PXDNL: variants seen among roughly 807,000 people sequenced by gnomAD.
PXDNL encodes probable oxidoreductase PXDNL.
Under a neutral mutation model 150.8 loss-of-function variants are expected in PXDNL, and 145 were observed. The ratio of observed to expected loss-of-function variants is 0.96; its 90% CI spans 0.84 to 1.10. The LOEUF is 1.10. Among genes scored for constraint, PXDNL ranks in the 50% least tolerant of loss-of-function variants. The probability of loss-of-function intolerance (pLI) is 0.00; values close to 1 mark genes in which losing one functional copy is unlikely to be tolerated. For synonymous variants in PXDNL, 757 were observed against 725.7 expected (o/e 1.04, Z -0.69); for missense variants, 2,087 against 1,873.9 (o/e 1.11, Z -2.10).
At chr8:51,631,116 T>A (rs1335079545) in intron 2 of PXDNL, among the ~76,000 whole-genome samples, 2 of 152,082 alleles carry the variant, frequency 1.3e-5, no homozygotes, top group Non-Finnish European at 2.9e-5. Flanking sequence ...AAGAATGAGA[T>A]CATGTTCTTT....
chr8:51,410,211 C>T (rs1192309935), intron 16 of PXDNL, among the ~76,000 whole-genome samples: 1 of 152,166 alleles, frequency 6.6e-6, no homozygotes, highest in Non-Finnish European at 1.5e-5. Context: ...CCCTGGCAAA[C>T]GGGCAAAATA....
intron 1 of PXDNL, among the ~76,000 whole-genome samples, chr8:51,674,518 A>C (rs528887273): frequency 6.6e-6 from 1 of 152,344 alleles, no homozygotes; most frequent in East Asian, 1.9e-4. Context: ...ACTTAACATA[A>C]GTGACTATGA....
chr8:51,457,796 G>T, intron 8 of PXDNL, 129 bp from the exon 9 acceptor site: 1 of 592,342 alleles, frequency 1.7e-6, no homozygotes, highest in Admixed American at 3.4e-5. Context: ...TATTTTATCT[G>T]AATAATTTTA....
intron 2 of PXDNL, among the ~76,000 whole-genome samples, chr8:51,624,252 C>A (rs528024903): frequency 6.6e-6 from 1 of 152,112 alleles, no homozygotes; most frequent in Non-Finnish European, 1.5e-5. Flanking sequence ...GACCACAGAC[C>A]GGTGGTATTT....
intron 2 of PXDNL, among the ~76,000 whole-genome samples, chr8:51,652,526 C>G (rs1446274799): frequency 1.3e-5 from 2 of 152,016 alleles, no homozygotes; most frequent in Non-Finnish European, 2.9e-5. Context: ...GATCTACCAT[C>G]TGTATTCCAG....
chr8:51,727,402 G>A (rs946030649), intron 1 of PXDNL, among the ~76,000 whole-genome samples: 50 of 152,292 alleles, frequency 3.3e-4, no homozygotes, highest in Admixed American at 1.6e-3. Flanking sequence ...TAACAAAAAC[G>A]AATGAAGTTA....
At chr8:51,530,304 C>A (rs1811870247) in intron 4 of PXDNL, among the ~76,000 whole-genome samples, 1 of 152,086 alleles carries the variant, frequency 6.6e-6, no homozygotes, top group Non-Finnish European at 1.5e-5. Context: ...CTCCTTTTTG[C>A]TCACCTTATA....
At chr8:51,520,948 G>T (rs928939765) in intron 4 of PXDNL, among the ~76,000 whole-genome samples, 2 of 152,200 alleles carry the variant, frequency 1.3e-5, no homozygotes, top group Admixed American at 1.3e-4. Context: ...TAGGCCAGGT[G>T]CCCTGGCTCA....
Position 51,779,722 on chromosome 8 carries a change from C to A in PXDNL, c.164+29459G>T, listed in dbSNP as rs1365003114. On this transcript the variant is annotated intron_variant, in intron 1 of 22. Transcript: ENST00000356297. ...CATGTTCTTGGTAACCAGAAGGCTG[C>A]CACATAATAGTTGGCTGTCTTCATC... Among the ~76,000 whole-genome samples the A allele has an allele frequency of 1.1e-4, 17 of 152,190 alleles. 1 individual carries two copies. Among genetic ancestry groups the A allele is most frequent in the Admixed American group, 1.1e-3 (17 of 15,282 alleles).
At chr8:51,720,941 A>G (rs1407152151) in intron 1 of PXDNL, among the ~76,000 whole-genome samples, 2 of 152,238 alleles carry the variant, frequency 1.3e-5, no homozygotes, top group Admixed American at 6.5e-5. Context: ...GATCGCATGC[A>G]AAGAAAATCT....
intron 3 of PXDNL, among the ~76,000 whole-genome samples, chr8:51,567,307 C>CTG (rs768356388): frequency 2.2e-3 from 330 of 151,868 alleles, no homozygotes; most frequent in Non-Finnish European, 3.7e-3. Context: ...AGTGATGGTG[C>CTG]TGTTCAGTTC....
At chr8:51,640,222 C>G (rs1329640925) in intron 2 of PXDNL, among the ~76,000 whole-genome samples, 1 of 152,016 alleles carries the variant, frequency 6.6e-6, no homozygotes, top group Non-Finnish European at 1.5e-5. Context: ...TAAGAGCTAT[C>G]TATGACAAAC....
chr8:51,399,276 G>T (rs973326041), intron 17 of PXDNL, among the ~76,000 whole-genome samples: 11 of 152,144 alleles, frequency 7.2e-5, no homozygotes, highest in African/African-American at 2.7e-4. Flanking sequence ...AAAAAGACGT[G>T]CATGTAAGAG....
rs145497871 is a variant in PXDNL, at chr8:51,524,699, C to A, written c.381-24929G>T. On this transcript the variant is annotated intron_variant, in intron 4 of 22. Coordinates refer to ENST00000356297, the MANE Select transcript of PXDNL (RefSeq NM_144651.5). ...TTTTTACTTATCTTTCAAAAGGTAT[C>A]TTTTGAACAGTTTGAATGTGTCAGG... Among the ~76,000 whole-genome samples, 1,246 of 152,186 alleles carry A rather than the reference C, an allele frequency of 8.2e-3. 20 individuals carry two copies. Among genetic ancestry groups the A allele is most frequent in the African/African-American group, 0.028 (1,164 of 41,520 alleles).
chr8:51,682,754 G>C (rs1264231161), intron 1 of PXDNL, among the ~76,000 whole-genome samples: 1 of 152,128 alleles, frequency 6.6e-6, no homozygotes, highest in Non-Finnish European at 1.5e-5. Context: ...CCATACGAGA[G>C]AGAGAGAAAG....
chr8:51,639,247 C>A (rs1405795328), intron 2 of PXDNL, among the ~76,000 whole-genome samples: 5 of 152,120 alleles, frequency 3.3e-5, no homozygotes, highest in Non-Finnish European at 5.9e-5. Flanking sequence ...CAAGAGAAAG[C>A]AAGAAAGATC....
intron 3 of PXDNL, among the ~76,000 whole-genome samples, chr8:51,587,115 A>T (rs1813342135): frequency 6.6e-6 from 1 of 152,218 alleles, no homozygotes; most frequent in Non-Finnish European, 1.5e-5. Flanking sequence ...GTAAGTAACA[A>T]GATCATTATA....
intron 8 of PXDNL, 100 bp from the exon 9 acceptor site, chr8:51,457,767 C>A: frequency 1.3e-6 from 1 of 743,042 alleles, no homozygotes; most frequent in Non-Finnish European, 2.0e-6. Context: ...TGTTTCATGT[C>A]TACCAAATTT....
At chr8:51,703,713 T>C (rs1257378412) in intron 1 of PXDNL, among the ~76,000 whole-genome samples, 1 of 152,224 alleles carries the variant, frequency 6.6e-6, no homozygotes, top group East Asian at 1.9e-4. Flanking sequence ...CCACTCATAA[T>C]CAATCCCTGT....
Sources: allele counts gnomAD v4.1 joint callset (sites outside exome capture counted in the v4.1 genomes callset), GRCh38; gene constraint gnomAD v4.1.1; transcripts MANE v1.5; gene names NCBI Gene and HGNC (gene_info 2026-07-23, HGNC 2026-07-21).